IL1R1: variants seen among roughly 807,000 people sequenced by gnomAD.
IL1R1 encodes the protein interleukin 1 receptor type 1.
A neutral mutation model predicts 50.2 loss-of-function variants in IL1R1; 22 were observed. The observed-to-expected ratio is 0.44, with a 90% CI of 0.31 to 0.63. The LOEUF (loss-of-function observed/expected upper bound fraction) is 0.63, where lower values mean the gene tolerates loss of function less well. Among genes scored for constraint, IL1R1 ranks in the 20% least tolerant of loss-of-function variants. The pLI is 0.07. For missense variants in IL1R1, 509 were observed against 676.2 expected (o/e 0.75, Z 2.74); for synonymous variants, 251 against 236.7 (o/e 1.06, Z -0.55).
chr2:102,078,562 T>TCA (rs35407722), intron 1 of IL1R1, among the ~76,000 whole-genome samples: 24,963 of 103,852 alleles, frequency 0.24, 2,612 homozygotes, highest in East Asian at 0.42. Flanking sequence ...TCAAAAAACT[T>TCA]CACACACACA....
At chr2:102,161,707 A>G (rs1457112173) in intron 3 of IL1R1, among the ~76,000 whole-genome samples, 1 of 151,626 alleles carries the variant, frequency 6.6e-6, no homozygotes, top group African/African-American at 2.4e-5. Flanking sequence ...TTATTTATTC[A>G]TTCATTTTTG....
chr2:102,085,364 G>T (rs746316114), intron 1 of IL1R1, among the ~76,000 whole-genome samples: 2 of 152,072 alleles, frequency 1.3e-5, no homozygotes, highest in African/African-American at 4.8e-5. Context: ...ATTCAGATCT[G>T]CAGACCAACA....
rs190819006 is a variant in IL1R1, at chr2:102,135,185, A to T, written c.-83-18756A>T. 1.6e-4 allele frequency among the ~76,000 whole-genome samples: 25 copies of T among 152,272 alleles called. 1 individual carries two copies. In the East Asian group the frequency reaches 2.9e-3, roughly 18 times the overall value. ...AAAGGTAATAAACACTCTGTTGCTG[A>T]TTTTATGAACCTATGCCTGGGAACC... On this transcript the variant is annotated intron_variant, in intron 1 of 10. Coordinates refer to the IL1R1 transcript ENST00000409329.
chr2:102,075,638 G>A (rs111700064), intron 1 of IL1R1, among the ~76,000 whole-genome samples: 37 of 152,180 alleles, frequency 2.4e-4, no homozygotes, highest in Non-Finnish European at 4.7e-4. Flanking sequence ...CAAGTTTTTG[G>A]TACACACCCA....
At chr2:102,118,626 G>A (rs1469445903) in intron 1 of IL1R1, among the ~76,000 whole-genome samples, 1 of 152,188 alleles carries the variant, frequency 6.6e-6, no homozygotes, top group East Asian at 1.9e-4. Context: ...GAATTGAATT[G>A]TGGGACACTC....
chr2:102,126,354 T>C (rs952138595), intron 1 of IL1R1, among the ~76,000 whole-genome samples: 1 of 152,208 alleles, frequency 6.6e-6, no homozygotes, highest in African/African-American at 2.4e-5. Flanking sequence ...CCAAATAACA[T>C]GAGTGGCATT....
intron 11 of IL1R1, chr2:102,176,067 T>G: frequency 2.2e-6 from 1 of 452,336 alleles, no homozygotes; most frequent in Non-Finnish European, 3.9e-6. Flanking sequence ...GCCTTTTATC[T>G]CAGTACAACC....
chr2:102,123,582 C>G (rs1681521402), intron 1 of IL1R1, among the ~76,000 whole-genome samples: 1 of 152,122 alleles, frequency 6.6e-6, no homozygotes, highest in African/African-American at 2.4e-5. Flanking sequence ...TCCAGACCAG[C>G]CTGGCCAACA....
rs34835752 is a variant in IL1R1, at chr2:102,175,534, G to A, written c.1192G>A (p.Gly398Arg). 2,355 of 1,613,494 alleles carry A rather than the reference G, an allele frequency of 1.5e-3. 5 individuals are homozygous for A. Among genetic ancestry groups the A allele is most frequent in the Middle Eastern group, 0.01 (62 of 6,056 alleles). Residue 398 changes from glycine (G) to arginine (R), a missense_variant, in exon 11 of 12, where the codon GGG becomes AGG. Transcript: ENST00000410023. ...ACTGTATCCAAAGACTGTTGGGGAA[G>A]GGTCTACCTCTGACTGTGATATTTT... ...YILYPKTVGE[G>R]STSDCDIFVF...
intron 1 of IL1R1, among the ~76,000 whole-genome samples, chr2:102,135,082 A>G (rs1682270368): frequency 6.6e-6 from 1 of 152,244 alleles, no homozygotes. Flanking sequence ...AGGAATGACA[A>G]AAATGTAGAA....
intron 1 of IL1R1, among the ~76,000 whole-genome samples, chr2:102,116,166 A>G (rs756059440): frequency 4.6e-5 from 7 of 152,210 alleles, no homozygotes; most frequent in Admixed American, 2.6e-4. Flanking sequence ...CCCCCAATGC[A>G]TTGCTGCTTT....
At chr2:102,141,974 C>T (rs1218937237), upstream of IL1R1, 1 of 152,204 alleles carries the variant, frequency 6.6e-6, no homozygotes, top group Non-Finnish European at 1.5e-5. Flanking sequence ...CTTCCATTCC[C>T]CTGGGTGTGA....
intron 8 of IL1R1, 81 bp downstream of exon 8, chr2:102,171,999 A>G: frequency 1.7e-6 from 1 of 576,026 alleles, no homozygotes; most frequent in Non-Finnish European, 2.7e-6. Context: ...TCAGTTTAAA[A>G]GCAAGTGTTA....
intron 1 of IL1R1, among the ~76,000 whole-genome samples, chr2:102,152,685 T>C (rs1036630940): frequency 6.6e-6 from 1 of 151,704 alleles, no homozygotes; most frequent in African/African-American, 2.4e-5. Flanking sequence ...CTTTCATATC[T>C]GGGGCATACT....
At chr2:102,082,436 A>G (rs1328805218) in intron 1 of IL1R1, among the ~76,000 whole-genome samples, 1 of 152,180 alleles carries the variant, frequency 6.6e-6, no homozygotes, top group Non-Finnish European at 1.5e-5. Flanking sequence ...TTTTGGATTG[A>G]GGTGGGACAT....
intron 1 of IL1R1, among the ~76,000 whole-genome samples, chr2:102,118,799 T>C (rs750447354): frequency 6.6e-6 from 1 of 151,950 alleles, no homozygotes; most frequent in East Asian, 1.9e-4. Context: ...GGGAGGATCA[T>C]GAGGTCAGGA....
chr2:102,116,246 A>T (rs187689264), intron 1 of IL1R1, among the ~76,000 whole-genome samples: 2 of 152,306 alleles, frequency 1.3e-5, no homozygotes, highest in East Asian at 1.9e-4. Flanking sequence ...CTGAGAAAAA[A>T]GTTTAAGGGC....
At chr2:102,090,303 C>T (rs887880193) in intron 1 of IL1R1, among the ~76,000 whole-genome samples, 2 of 152,006 alleles carry the variant, frequency 1.3e-5, no homozygotes, top group African/African-American at 4.8e-5. Context: ...TCAATCAGAT[C>T]AAATATTATT....
chr2:102,117,013 C>T (rs1681114943), intron 1 of IL1R1, among the ~76,000 whole-genome samples: 2 of 152,174 alleles, frequency 1.3e-5, no homozygotes, highest in Non-Finnish European at 1.5e-5. Context: ...AAAGGTAACA[C>T]TTAATGACAT....
Sources: gnomAD v4.1 joint callset for allele counts (sites outside exome capture counted in the v4.1 genomes callset) on GRCh38, gnomAD v4.1.1 for gene constraint, MANE v1.5 for transcripts, NCBI Gene and HGNC (gene_info 2026-07-23, HGNC 2026-07-21) for gene names.